The following PLCE1 variants were observed in gnomAD, a reference collection of about 807,000 sequenced individuals.
The protein encoded by PLCE1 is 1-phosphatidylinositol 4,5-bisphosphate phosphodiesterase epsilon-1.
A neutral mutation model predicts 242.8 loss-of-function variants in PLCE1; 119 were observed. That is an observed-to-expected ratio of 0.49 (90% CI 0.42 to 0.57). The LOEUF (loss-of-function observed/expected upper bound fraction) is 0.57, where lower values mean the gene tolerates loss of function less well. Among genes scored for constraint, PLCE1 ranks in the 20% least tolerant of loss-of-function variants. The pLI is 0.00. For missense variants in PLCE1, 2,441 were observed against 2,788.8 expected, an observed-to-expected ratio of 0.88 and a Z score of 2.81; for synonymous variants, 945 against 1,017.4, an observed-to-expected ratio of 0.93 and a Z score of 1.35.
chr10:94,069,142 C>T (rs2044280744), intron 2 of PLCE1, among the ~76,000 whole-genome samples: 2 of 152,230 alleles, frequency 1.3e-5, no homozygotes, highest in Admixed American at 1.3e-4. Flanking sequence ...AATTTCAGTC[C>T]AGGTCTTCCT....
At chr10:94,194,651 T>C (rs942271306) in intron 4 of PLCE1, among the ~76,000 whole-genome samples, 1 of 152,234 alleles carries the variant, frequency 6.6e-6, no homozygotes, top group African/African-American at 2.4e-5. Context: ...TCAGTGTGAC[T>C]CCAGGCAAGT....
rs748963046 is a variant in PLCE1, at chr10:94,324,460, C to A, written c.6613C>A (p.Pro2205Thr). 5 of 1,614,046 alleles carry A rather than the reference C, an allele frequency of 3.1e-6. No homozygotes were observed. The highest frequency in any genetic ancestry group is 4.2e-6 in the Non-Finnish European group (5 of 1,179,908). Residue 2205 changes from proline to threonine, a missense_variant, in exon 31 of 33, where the codon CCA becomes ACA. Around this residue, in one of 5 missense-constraint regions of PLCE1, gnomAD observed 310 missense variants for 317.2 expected, o/e 0.98. Coordinates refer to ENST00000371380, the MANE Select transcript of PLCE1 (RefSeq NM_016341.4). Reference protein sequence around the residue: ...KDTTNKKTTTPKSSQRVLLDQ... With the variant: ...KDTTNKKTTTTKSSQRVLLDQ... ...CACTACCAACAAGAAGACTACCACA[C>A]CAAAGTCCTCTCAGCGGGTCCTTCT...
intron 1 of PLCE1, among the ~76,000 whole-genome samples, chr10:94,027,797 G>T (rs1315189922): frequency 1.3e-5 from 2 of 151,580 alleles, no homozygotes; most frequent in South Asian, 4.2e-4. Context: ...CTCCAGCCTG[G>T]CGACAGAGTG....
At chr10:94,207,812 T>A (rs2049209561) in intron 4 of PLCE1, among the ~76,000 whole-genome samples, 1 of 152,142 alleles carries the variant, frequency 6.6e-6, no homozygotes, top group Non-Finnish European at 1.5e-5. Context: ...AAGGACCAGG[T>A]GCCACTTTGG....
intron 4 of PLCE1, among the ~76,000 whole-genome samples, chr10:94,216,517 G>A (rs1048010226): frequency 1.3e-5 from 2 of 152,136 alleles, no homozygotes; most frequent in African/African-American, 2.4e-5. Context: ...CAGGGAGCAG[G>A]CAGTCCAGAG....
intron 3 of PLCE1, among the ~76,000 whole-genome samples, chr10:94,150,182 G>A (rs1276691717): frequency 4.6e-5 from 7 of 152,290 alleles, no homozygotes; most frequent in African/African-American, 7.2e-5. Flanking sequence ...CGGCCCCGCC[G>A]CTGTGCTGAG....
At chr10:94,151,442 T>A (rs1188100628) in intron 3 of PLCE1, among the ~76,000 whole-genome samples, 9 of 152,096 alleles carry the variant, frequency 5.9e-5, no homozygotes, top group African/African-American at 2.2e-4. Flanking sequence ...CCTCCAAGAT[T>A]TTGGTCCTGG....
intron 2 of PLCE1, among the ~76,000 whole-genome samples, chr10:94,034,602 C>G (rs933163420): frequency 2.6e-5 from 4 of 152,154 alleles, no homozygotes; most frequent in African/African-American, 4.8e-5. Context: ...GTTTCAGCAT[C>G]TGTTGATTGA....
intron 1 of PLCE1, among the ~76,000 whole-genome samples, chr10:94,023,538 C>A (rs914141708): frequency 1.3e-5 from 2 of 152,134 alleles, no homozygotes; most frequent in African/African-American, 4.8e-5. Context: ...CTTAAAGTTA[C>A]ATTCTACTAA....
intron 3 of PLCE1, among the ~76,000 whole-genome samples, chr10:94,159,162 C>T (rs1242261321): frequency 2.0e-5 from 3 of 151,970 alleles, no homozygotes; most frequent in Non-Finnish European, 4.4e-5. Flanking sequence ...AACACTCAGT[C>T]TGAATATATT....
chr10:94,208,894 C>A (rs1005555932), intron 4 of PLCE1, among the ~76,000 whole-genome samples: 1 of 152,192 alleles, frequency 6.6e-6, no homozygotes, highest in Non-Finnish European at 1.5e-5. Flanking sequence ...CCAAACTAAT[C>A]GTCGCCACAA....
At chr10:94,134,145 G>A (rs2046693612) in intron 3 of PLCE1, among the ~76,000 whole-genome samples, 2 of 150,772 alleles carry the variant, frequency 1.3e-5, no homozygotes, top group African/African-American at 4.9e-5. Context: ...CTGTCACCCA[G>A]GCCGGAGTGC....
At chr10:94,189,011 A>AT (rs951274805) in intron 4 of PLCE1, among the ~76,000 whole-genome samples, 1 of 148,568 alleles carries the variant, frequency 6.7e-6, no homozygotes, top group African/African-American at 2.6e-5. Context: ...AAAAAAAAAA[A>AT]AAAAAAAAAA....
At chr10:94,204,990 G>A (rs2049111665) in intron 4 of PLCE1, among the ~76,000 whole-genome samples, 1 of 152,188 alleles carries the variant, frequency 6.6e-6, no homozygotes, top group Admixed American at 6.5e-5. Flanking sequence ...CAGGTATGTT[G>A]CTCACTGACA....
At chr10:94,229,695 A>G (rs1273589680) in intron 5 of PLCE1, among the ~76,000 whole-genome samples, 2 of 152,222 alleles carry the variant, frequency 1.3e-5, no homozygotes, top group Non-Finnish European at 2.9e-5. Context: ...TTTAAATCCA[A>G]AATCCAAGAA....
intron 4 of PLCE1, among the ~76,000 whole-genome samples, chr10:94,172,857 T>G (rs2048025191): frequency 6.6e-6 from 1 of 152,156 alleles, no homozygotes; most frequent in South Asian, 2.1e-4. Flanking sequence ...TTTCTAACTG[T>G]AGCTCACTTT....
chr10:94,202,405 C>G lies in PLCE1; in HGVS notation c.1810-24901C>G, dbSNP rs535101793. Among the ~76,000 whole-genome samples the G allele has an allele frequency of 1.3e-4, 19 of 151,676 alleles. No homozygotes were observed. In the East Asian group the frequency reaches 3.3e-3, roughly 26 times the overall value. ...GCTTCCTGTAACAGAAAGTTTCTGG[C>G]AAGATGTTTTTACATTCAGACCCAG... On this transcript the variant is annotated intron_variant, in intron 4 of 32. Transcript: ENST00000371380.
At chr10:93,999,770 T>C (rs1027982909) in intron 1 of PLCE1, among the ~76,000 whole-genome samples, 6 of 152,170 alleles carry the variant, frequency 3.9e-5, no homozygotes, top group African/African-American at 1.4e-4. Flanking sequence ...TGCCTGTTTA[T>C]TGGATTTGCC....
chr10:94,110,564 T>G (rs2045923702), intron 2 of PLCE1, among the ~76,000 whole-genome samples: 1 of 152,232 alleles, frequency 6.6e-6, no homozygotes, highest in African/African-American at 2.4e-5. Flanking sequence ...TCTAAAGAAC[T>G]TTATAGTAAT....
Sources: allele counts gnomAD v4.1 joint callset (sites outside exome capture counted in the v4.1 genomes callset), GRCh38; gene constraint gnomAD v4.1.1; regional missense constraint gnomAD v4.1.1; transcripts MANE v1.5; gene names NCBI Gene and HGNC (gene_info 2026-07-23, HGNC 2026-07-21).